The following MSH3 variants were observed in gnomAD, a reference collection of about 807,000 sequenced individuals.
MSH3 encodes the protein mutS homolog 3.
MSH3 carries 106 observed loss-of-function variants against 123.3 expected under a neutral mutation model. The ratio of observed to expected loss-of-function variants is 0.86; its 90% CI spans 0.73 to 1.01. MSH3 has a LOEUF of 1.01. Among genes scored for constraint, MSH3 ranks in the 50% least tolerant of loss-of-function variants. The probability of loss-of-function intolerance (pLI) is 0.00; values close to 1 mark genes in which losing one functional copy is unlikely to be tolerated. For synonymous variants in MSH3, 515 were observed against 481.4 expected, an observed-to-expected ratio of 1.07 and a Z score of -0.91; for missense variants, 1,459 against 1,347.6, an observed-to-expected ratio of 1.08 and a Z score of -1.29.
At chr5:80,771,777 C>A (rs1205047900) in intron 15 of MSH3, among the ~76,000 whole-genome samples, 1 of 152,002 alleles carries the variant, frequency 6.6e-6, no homozygotes, top group African/African-American at 2.4e-5. Context: ...TCTGTAAATC[C>A]AGTGTTATTT....
intron 12 of MSH3, among the ~76,000 whole-genome samples, chr5:80,757,761 CA>C (rs1743954386): frequency 6.6e-6 from 1 of 152,112 alleles, no homozygotes; most frequent in African/African-American, 2.4e-5. Context: ...CTCCATCTGT[CA>C]TTAATTGCAC....
intron 13 of MSH3, among the ~76,000 whole-genome samples, chr5:80,762,755 GTTTTA>G (rs1164337835): frequency 1.2e-4 from 16 of 129,520 alleles, no homozygotes; most frequent in East Asian, 2.6e-4. Context: ...GTTTTATTTT[GTTTTA>G]TTTTATTTTA....
At position 80,718,091 on chromosome 5, in the gene MSH3, T is replaced by C. The variant is rs1235805836; in HGVS notation, c.1341-7362T>C. Among the ~76,000 whole-genome samples the C allele has an allele frequency of 4.6e-5, 7 of 152,308 alleles. No homozygotes were observed. The South Asian group carries it at 1.4e-3, about 32-fold the overall frequency. On this transcript the variant is annotated intron_variant, in intron 8 of 23. Transcript: ENST00000265081. The stretch of plus-strand genomic sequence containing the variant: ...GAAGGCTGCTGAAACCACCATCTAG[T>C]CCAGGATATAGAGTTTTGGCAGTCA...
chr5:80,803,010 T>C (rs779413538), intron 19 of MSH3, among the ~76,000 whole-genome samples: 7 of 152,340 alleles, frequency 4.6e-5, no homozygotes, highest in Non-Finnish European at 8.8e-5. Context: ...ATCTTGGCTA[T>C]TGTGAATAGT....
At chr5:80,691,068 C>T (rs994678831) in intron 8 of MSH3, among the ~76,000 whole-genome samples, 2 of 151,686 alleles carry the variant, frequency 1.3e-5, no homozygotes, top group African/African-American at 2.4e-5. Flanking sequence ...ATTCTTATTA[C>T]CTGAAACTGA....
intron 20 of MSH3, among the ~76,000 whole-genome samples, chr5:80,852,390 C>T (rs777142501): frequency 1.3e-5 from 2 of 152,116 alleles, no homozygotes; most frequent in Non-Finnish European, 2.9e-5. Flanking sequence ...TTCTAAAAAT[C>T]AATGACCCCC....
intron 20 of MSH3, among the ~76,000 whole-genome samples, chr5:80,831,968 G>T (rs561290875): frequency 2.4e-4 from 36 of 148,118 alleles, no homozygotes; most frequent in African/African-American, 8.7e-4. Flanking sequence ...AATTAGCCGG[G>T]TGTGGTGGCG....
chr5:80,808,858 C>CATATATAT (rs747818551), intron 19 of MSH3, among the ~76,000 whole-genome samples: 2,280 of 65,818 alleles, frequency 0.035, 101 homozygotes, highest in African/African-American at 0.11. Context: ...ATATCTTCTT[C>CATATATAT]ATATATATAT....
At chr5:80,718,495 G>GT (rs35857348) in intron 8 of MSH3, among the ~76,000 whole-genome samples, 39,653 of 122,138 alleles carry the variant, frequency 0.32, 6,325 homozygotes, top group Admixed American at 0.4. Flanking sequence ...CTCACCTTTG[G>GT]TTTTTTTTTT....
At chr5:80,691,565 A>G (rs1329559251) in intron 8 of MSH3, among the ~76,000 whole-genome samples, 1 of 150,712 alleles carries the variant, frequency 6.6e-6, no homozygotes, top group African/African-American at 2.4e-5. Context: ...TTGTGAGTAC[A>G]TAGTAGGGTA....
At position 80,665,182 on chromosome 5, in the gene MSH3, C is replaced by G. The variant is rs1258553784; in HGVS notation, c.398C>G (p.Ser133Cys). Residue 133 changes from serine (S) to cysteine (C), a missense_variant, in exon 3 of 24, where the codon TCT (serine) becomes TGT (cysteine). Transcript: ENST00000265081. Reference protein sequence around the residue: ...KCLRTRNVSKSLEKLKEFCCD... With the variant: ...KCLRTRNVSKCLEKLKEFCCD... ...CTGAGGACCAGGAATGTTTCAAAGT[C>G]TCTGGAAAAATTGAAAGAATTCTGC... is the stretch of plus-strand genomic sequence containing the variant. 1 of 1,613,946 alleles carries G rather than the reference C, an allele frequency of 6.2e-7. No homozygotes were observed. Among genetic ancestry groups the G allele is most frequent in the African/African-American group, 1.3e-5 (1 of 74,916 alleles).
chr5:80,832,719 A>G (rs1745440620), intron 20 of MSH3, among the ~76,000 whole-genome samples: 1 of 151,808 alleles, frequency 6.6e-6, no homozygotes, highest in African/African-American at 2.4e-5. Flanking sequence ...TAAAATGGTA[A>G]ATTTTATTAT....
At chr5:80,693,624 T>TACACACACACAC (rs370934498) in intron 8 of MSH3, among the ~76,000 whole-genome samples, 5 of 145,982 alleles carry the variant, frequency 3.4e-5, no homozygotes, top group African/African-American at 1.3e-4. Flanking sequence ...CACACACATA[T>TACACACACACAC]ACACACACAC....
chr5:80,700,723 T>G (rs1469516966), intron 8 of MSH3, among the ~76,000 whole-genome samples: 2 of 152,162 alleles, frequency 1.3e-5, no homozygotes, highest in Non-Finnish European at 2.9e-5. Context: ...AATGAGAGCT[T>G]CTTTGTGCAT....
At chr5:80,840,719 A>T (rs753140955) in intron 20 of MSH3, among the ~76,000 whole-genome samples, 3 of 151,496 alleles carry the variant, frequency 2.0e-5, no homozygotes, top group Non-Finnish European at 4.4e-5. Context: ...TACGTTAGGT[A>T]TTTCACCTAA....
chr5:80,701,489 A>G (rs1176768426), intron 8 of MSH3, among the ~76,000 whole-genome samples: 4 of 152,346 alleles, frequency 2.6e-5, no homozygotes, highest in South Asian at 2.1e-4. Flanking sequence ...CCTGACAGCA[A>G]TGTAAAAGAC....
chr5:80,712,040 AGGCTGGAATCAGGCAT>A (rs1750869760), intron 8 of MSH3, among the ~76,000 whole-genome samples: 1 of 152,192 alleles, frequency 6.6e-6, no homozygotes, highest in South Asian at 2.1e-4. Flanking sequence ...GCTTGAAGGC[AGGCTGGAATCAGGCAT>A]GGCTGGAATT....
At chr5:80,709,014 A>G (rs569209010) in intron 8 of MSH3, among the ~76,000 whole-genome samples, 1 of 152,110 alleles carries the variant, frequency 6.6e-6, no homozygotes, top group East Asian at 1.9e-4. Context: ...ACTTCAACTG[A>G]TCTACCCTCC....
At chr5:80,797,284 C>G (rs1285068541) in intron 19 of MSH3, among the ~76,000 whole-genome samples, 1 of 152,178 alleles carries the variant, frequency 6.6e-6, no homozygotes, top group Non-Finnish European at 1.5e-5. Context: ...GGACTGTAAG[C>G]ATGAAGAGAA....
Sources: gnomAD v4.1 joint callset for allele counts (sites outside exome capture counted in the v4.1 genomes callset) on GRCh38, gnomAD v4.1.1 for gene constraint, MANE v1.5 for transcripts, NCBI Gene and HGNC (gene_info 2026-07-23, HGNC 2026-07-21) for gene names.